The following SORCS3 variants were observed in gnomAD, a reference collection of about 807,000 sequenced individuals.
SORCS3 encodes sortilin related VPS10 domain containing receptor 3.
Under a neutral mutation model 146.3 loss-of-function variants are expected in SORCS3, and 57 were observed. That is an observed-to-expected ratio of 0.39 (90% CI 0.31 to 0.49). The LOEUF is 0.49. SORCS3 is among the 20% of genes least tolerant of loss of function. The pLI is 0.92. For synonymous variants in SORCS3, 653 were observed against 618.5 expected, an observed-to-expected ratio of 1.06 and a Z score of -0.83; for missense variants, 1,341 against 1,575.5, an observed-to-expected ratio of 0.85 and a Z score of 2.52.
intron 1 of SORCS3, among the ~76,000 whole-genome samples, chr10:104,784,658 G>C (rs2017411697): frequency 6.6e-6 from 1 of 152,202 alleles, no homozygotes; most frequent in Non-Finnish European, 1.5e-5. Flanking sequence ...GGGCTGGGAT[G>C]AAAGGCCCCT....
intron 1 of SORCS3, among the ~76,000 whole-genome samples, chr10:104,805,352 C>T (rs1236714307): frequency 6.6e-6 from 1 of 152,124 alleles, no homozygotes; most frequent in South Asian, 2.1e-4. Context: ...GAAAGTCATC[C>T]AAGCCTCAAG....
intron 4 of SORCS3, among the ~76,000 whole-genome samples, chr10:105,036,017 C>T (rs2133699490): frequency 6.6e-6 from 1 of 152,148 alleles, no homozygotes; most frequent in South Asian, 2.1e-4. Flanking sequence ...CTTTAGATGA[C>T]CTTGTTTGGA....
At chr10:104,951,969 C>T (rs899325799) in intron 3 of SORCS3, among the ~76,000 whole-genome samples, 1 of 151,648 alleles carries the variant, frequency 6.6e-6, no homozygotes, top group Non-Finnish European at 1.5e-5. Context: ...TACCATTATC[C>T]CCATTTATGT....
At chr10:105,160,204 T>C (rs2056250376) in intron 11 of SORCS3, among the ~76,000 whole-genome samples, 1 of 152,192 alleles carries the variant, frequency 6.6e-6, no homozygotes, top group Non-Finnish European at 1.5e-5. Flanking sequence ...TCTGAATATT[T>C]AGTGTGTAGC....
chr10:104,999,608 G>C (rs1291485259), intron 4 of SORCS3, among the ~76,000 whole-genome samples: 1 of 152,038 alleles, frequency 6.6e-6, no homozygotes, highest in Non-Finnish European at 1.5e-5. Flanking sequence ...GTCTTATGGA[G>C]GTTGAGCATC....
Position 104,659,770 on chromosome 10 carries a change from T to TTA in SORCS3, c.627+17816_627+17817insTA, listed in dbSNP as rs549561482. 3.9e-4 allele frequency among the ~76,000 whole-genome samples: 59 copies of TTA among 152,332 alleles called. 1 individual carries two copies. The East Asian group carries it at 0.011, about 29-fold the overall frequency. ...CCCTGTGGTAGAAGATACTCTAAAA[T>TTA]GAGTAGGAAATGGTTATTGTTAGAT... is the stretch of plus-strand genomic sequence containing the variant. On this transcript the variant is annotated intron_variant, in intron 1 of 26. Transcript: ENST00000369701.
At chr10:104,676,774 T>C (rs961783040) in intron 1 of SORCS3, among the ~76,000 whole-genome samples, 2 of 152,148 alleles carry the variant, frequency 1.3e-5, no homozygotes, top group African/African-American at 4.8e-5. Context: ...GTCTCTTCCA[T>C]CTCTTTTTTT....
intron 3 of SORCS3, among the ~76,000 whole-genome samples, chr10:104,939,464 G>C (rs1007682936): frequency 2.3e-4 from 35 of 152,292 alleles, no homozygotes; most frequent in African/African-American, 8.4e-4. Context: ...GATCAAAGCA[G>C]GTGTACTCTC....
At chr10:104,923,743 C>T (rs1176018856) in intron 3 of SORCS3, among the ~76,000 whole-genome samples, 2 of 152,206 alleles carry the variant, frequency 1.3e-5, no homozygotes, top group African/African-American at 2.4e-5. Flanking sequence ...AACCAGACAT[C>T]TCTCCTCTGT....
intron 1 of SORCS3, among the ~76,000 whole-genome samples, chr10:104,725,951 CG>C (rs2016625680): frequency 6.6e-6 from 1 of 152,240 alleles, no homozygotes; most frequent in African/African-American, 2.4e-5. Flanking sequence ...CGCCCTGCTT[CG>C]GCTTATGCTC....
At chr10:104,906,682 T>C (rs2018908137) in intron 2 of SORCS3, among the ~76,000 whole-genome samples, 1 of 152,196 alleles carries the variant, frequency 6.6e-6, no homozygotes, top group Admixed American at 6.5e-5. Flanking sequence ...ATGAATCCTC[T>C]TGTGATTCTT....
At chr10:105,140,987 C>T (rs1028710784) in intron 8 of SORCS3, among the ~76,000 whole-genome samples, 8 of 152,258 alleles carry the variant, frequency 5.3e-5, no homozygotes, top group Admixed American at 2.0e-4. Flanking sequence ...GAGAATGCCC[C>T]GTTACAGTAA....
chr10:105,144,381 A>G (rs1173742484), intron 8 of SORCS3, among the ~76,000 whole-genome samples: 1 of 152,038 alleles, frequency 6.6e-6, no homozygotes, highest in African/African-American at 2.4e-5. Context: ...CTTTTTCTCT[A>G]TTTCCGTTGT....
In SORCS3 at chr10:105,263,386, C is replaced by T. The variant is rs768372319; in HGVS notation, c.*12C>T. The T allele has an allele frequency of 9.3e-6, 15 of 1,613,576 alleles. No homozygotes were observed. In the South Asian group the frequency reaches 1.5e-4, roughly 17 times the overall value. On this transcript the variant is annotated 3_prime_UTR_variant, in exon 27 of 27. Transcript: ENST00000369701. ...GCACTAGTGTTTAATACCAGCAAGC[C>T]ACGTGGTCAACCACCTTTCTGACTT...
intron 1 of SORCS3, among the ~76,000 whole-genome samples, chr10:104,750,557 G>A (rs546137783): frequency 1.6e-3 from 241 of 152,292 alleles, no homozygotes; most frequent in Middle Eastern, 3.4e-3. Context: ...TCTCAGGTTG[G>A]TGAAGATACT....
chr10:105,033,963 T>C (rs2055287949), intron 4 of SORCS3, among the ~76,000 whole-genome samples: 1 of 152,164 alleles, frequency 6.6e-6, no homozygotes, highest in African/African-American at 2.4e-5. Flanking sequence ...GGGATATTCA[T>C]GTGTTCATTC....
chr10:104,906,927 A>G (rs1195480459), intron 2 of SORCS3, among the ~76,000 whole-genome samples: 1 of 152,216 alleles, frequency 6.6e-6, no homozygotes. Context: ...ACCCAGTGGT[A>G]ACTTCTATTA....
chr10:105,096,642 C>G (rs904498864), intron 6 of SORCS3, among the ~76,000 whole-genome samples: 2 of 152,082 alleles, frequency 1.3e-5, no homozygotes, highest in Non-Finnish European at 2.9e-5. Flanking sequence ...ACAGAAGAGG[C>G]CATAGCTAAG....
chr10:105,002,891 C>A (rs2055070616), intron 4 of SORCS3, among the ~76,000 whole-genome samples: 1 of 152,170 alleles, frequency 6.6e-6, no homozygotes, highest in African/African-American at 2.4e-5. Flanking sequence ...TAAGGAATAT[C>A]ATATAGAGTA....
Sources: allele counts gnomAD v4.1 joint callset (sites outside exome capture counted in the v4.1 genomes callset), GRCh38; gene constraint gnomAD v4.1.1; transcripts MANE v1.5; gene names NCBI Gene and HGNC (gene_info 2026-07-23, HGNC 2026-07-21).